The following CHAF1A variants were observed in gnomAD, a reference collection of about 807,000 sequenced individuals.
CHAF1A encodes CAF-1 subunit A.
CHAF1A carries 5 observed loss-of-function variants against 93.2 expected under a neutral mutation model. The ratio of observed to expected loss-of-function variants is 0.05; its 90% CI spans 0.03 to 0.11. The LOEUF is 0.11. CHAF1A is among the 10% of genes least tolerant of loss of function. CHAF1A has a pLI of 1.00. For missense variants in CHAF1A, 1,102 were observed against 1,259.9 expected (o/e 0.87, Z 1.90); for synonymous variants, 504 against 510.3 (o/e 0.99, Z 0.17).
At chr19:4,444,345 CTG>C (rs148944681), downstream of CHAF1A, among the ~76,000 whole-genome samples, 2,854 of 152,264 alleles carry the variant, frequency 0.019, 34 homozygotes, top group Middle Eastern at 0.024. Context: ...GGCAGAGTCC[CTG>C]TGTCTCCTGG....
chr19:4,447,127 G>T (rs559715340), downstream of CHAF1A: 33 of 607,490 alleles, frequency 5.4e-5, 2 homozygotes, highest in African/African-American at 4.1e-4. Flanking sequence ...CTGCACAGAG[G>T]AAAGAGTCAC....
downstream of CHAF1A, chr19:4,446,424 G>A (rs367564016): frequency 6.3e-6 from 10 of 1,577,004 alleles, no homozygotes; most frequent in African/African-American, 2.7e-5. Flanking sequence ...CTGCACACGC[G>A]GGCCAGGTCA....
In CHAF1A at chr19:4,409,146, T is replaced by C; in HGVS notation, c.347T>C (p.Ile116Thr). 6.2e-7 allele frequency: 1 copy of C among 1,614,162 alleles called. No individual in the cohort carries two copies. Among genetic ancestry groups the C allele is most frequent in the Non-Finnish European group, 8.5e-7 (1 of 1,180,028 alleles). ...IETSIGQSTV[I>T]IDLTEDSNEQ... Reference sequence around the variant, plus strand: ...ACCAGTATTGGCCAGAGCACAGTCATCATTGATTTGACAGAGGACTCGAAT... The same window carrying C: ...ACCAGTATTGGCCAGAGCACAGTCACCATTGATTTGACAGAGGACTCGAAT... Residue 116 changes from isoleucine (I) to threonine (T), a missense_variant, in exon 3 of 15, where the codon ATC (isoleucine) becomes ACC (threonine). Transcript: ENST00000301280.
intron 7 of CHAF1A, among the ~76,000 whole-genome samples, chr19:4,426,066 CT>C (rs888320610): frequency 1.3e-4 from 19 of 146,238 alleles, no homozygotes; most frequent in Admixed American, 2.1e-4. Flanking sequence ...ACAGGATTTT[CT>C]TTTTTTTTCT....
At chr19:4,436,593 A>G (rs1053580120) in intron 13 of CHAF1A, among the ~76,000 whole-genome samples, 1 of 152,162 alleles carries the variant, frequency 6.6e-6, no homozygotes, top group Non-Finnish European at 1.5e-5. Flanking sequence ...GGAAGGTACT[A>G]TCTGGTTGTG....
In CHAF1A at chr19:4,424,152, G is replaced by GT. The variant is rs576703091; in HGVS notation, c.1377+283dup. 4.8e-3 allele frequency among the ~76,000 whole-genome samples: 733 copies of GT among 152,310 alleles called. 8 individuals are homozygous for GT. The highest frequency in any genetic ancestry group is 5.8e-3 in the Non-Finnish European group (396 of 68,020). On this transcript the variant is annotated intron_variant, in intron 7 of 14. Transcript: ENST00000301280. ...GTTAGGCGTAAGAGAAATTCACCATGTTTTTACCCTTGGGAAACTTAGGCT... is the reference window on the plus strand; with the variant it reads ...GTTAGGCGTAAGAGAAATTCACCATGTTTTTTACCCTTGGGAAACTTAGGCT...
intron 2 of CHAF1A, among the ~76,000 whole-genome samples, chr19:4,407,668 C>T (rs1010990889): frequency 3.3e-5 from 5 of 152,098 alleles, no homozygotes; most frequent in African/African-American, 1.2e-4. Flanking sequence ...GATGTTGAAG[C>T]GGGGCATGGT....
Position 4,422,008 on chromosome 19 carries a change from A to ATT in CHAF1A, c.1018-542_1018-541dup, listed in dbSNP as rs765787830. ...GGGTACCCTCCACCACGCCTGGCTA[A>ATT]TTTTTTTTTTTTTTTTTATTAAATG... On this transcript the variant is annotated intron_variant, in intron 4 of 14. Transcript: ENST00000301280. This position sits in a 1 kb window ranked among gnomAD's most constrained non-coding sequence, Gnocchi z 4.6. 1.7e-4 allele frequency among the ~76,000 whole-genome samples: 24 copies of ATT among 138,274 alleles called. No individual in the cohort carries two copies. Among genetic ancestry groups the ATT allele is most frequent in the African/African-American group, 4.8e-4 (18 of 37,658 alleles). 90.7% of individuals were successfully genotyped at this position (138,274 alleles called of 152,430 possible). A position where few individuals can be genotyped will look rare whatever the true frequency, so the allele number is the denominator to read the frequency against.
chr19:4,445,645 ACT>A, downstream of CHAF1A: 1 of 1,604,322 alleles, frequency 6.2e-7, no homozygotes, highest in Non-Finnish European at 8.5e-7. Flanking sequence ...GTAGGCCGTC[ACT>A]CTGAGACCGA....
intron 1 of CHAF1A, among the ~76,000 whole-genome samples, chr19:4,404,135 T>G (rs750482914): frequency 4.7e-5 from 7 of 148,582 alleles, no homozygotes; most frequent in Non-Finnish European, 9.0e-5. Context: ...TATTTAACTT[T>G]AAAAAAAAAA....
At chr19:4,447,017 G>A, downstream of CHAF1A, 1 of 1,257,578 alleles carries the variant, frequency 8.0e-7, no homozygotes, top group Non-Finnish European at 1.1e-6. Context: ...GCTATTGGGA[G>A]CAGCTGTCGA....
At chr19:4,402,863 TGGACGGGCCGAGGCGGCGATGGGAGGC>T (rs1215879806) in intron 1 of CHAF1A, 49 bp downstream of exon 1, 18 of 1,127,840 alleles carry the variant, frequency 1.6e-5, no homozygotes, top group Non-Finnish European at 2.0e-5. Context: ...GCGCGCGGCC[TGGACGGGCCGAGGCGGCGATGGGAGGC>T]GGACGGGCCT....
intron 13 of CHAF1A, among the ~76,000 whole-genome samples, chr19:4,438,020 C>T (rs761542661): frequency 9.9e-5 from 15 of 152,282 alleles, no homozygotes; most frequent in Admixed American, 6.5e-4. Flanking sequence ...GGATTACAGG[C>T]GTGAGACACC....
rs143813445 is a variant in CHAF1A, at chr19:4,418,780, G to A, written c.1017+704G>A. Among the ~76,000 whole-genome samples, 1,221 of 152,194 alleles carry A rather than the reference G, an allele frequency of 8.0e-3. 9 individuals carry two copies. The highest frequency in any genetic ancestry group is 0.012 in the Non-Finnish European group (812 of 68,006). On this transcript the variant is annotated intron_variant, in intron 4 of 14. Coordinates refer to ENST00000301280, the MANE Select transcript of CHAF1A (RefSeq NM_005483.3). Reference sequence around the variant, plus strand: ...TGAATAGCCTCTACACTCGATGGGTGGTTATCCTTTAGTGACTCTCTGCTT... The same window carrying A: ...TGAATAGCCTCTACACTCGATGGGTAGTTATCCTTTAGTGACTCTCTGCTT...
chr19:4,446,595 G>T (rs566398192), downstream of CHAF1A: 17 of 1,612,540 alleles, frequency 1.1e-5, no homozygotes, highest in Admixed American at 2.5e-4. Flanking sequence ...GCTGGAAGAC[G>T]CGGCGCTGCC....
At chr19:4,434,608 T>G (rs150385008) in intron 13 of CHAF1A, among the ~76,000 whole-genome samples, 2 of 152,302 alleles carry the variant, frequency 1.3e-5, no homozygotes, top group African/African-American at 4.8e-5. Context: ...TGTGGCTCCT[T>G]TGACTTGGCA....
downstream of CHAF1A, chr19:4,448,544 A>T (rs1264577811): frequency 8.0e-6 from 6 of 750,288 alleles, no homozygotes; most frequent in East Asian, 5.4e-5. Flanking sequence ...CTGTGCGCTC[A>T]TCACAGAAAG....
Position 4,409,043 on chromosome 19 carries a change from G to C in CHAF1A, c.244G>C (p.Gly82Arg). The change falls in exon 3 of 15, where the codon GGT becomes CGT. Residue 82 changes from glycine (G) to arginine (R), a missense_variant. Gly to Arg is a moderately radical substitution (Grantham distance 125). Around this residue, in one of 6 missense-constraint regions of CHAF1A, gnomAD observed 379 missense variants for 365.7 expected, o/e 1.04. Transcript: ENST00000301280. Reference protein sequence around the residue: ...LDTLENNCHVGSDIDFRPKLV... With the variant: ...LDTLENNCHVRSDIDFRPKLV... ...CACCTTGGAAAACAACTGTCATGTG[G>C]GTTCTGACATAGACTTTAGACCGAA... The C allele has an allele frequency of 6.2e-7, 1 of 1,614,158 alleles. No homozygotes were observed. Among genetic ancestry groups the C allele is most frequent in the Non-Finnish European group, 8.5e-7 (1 of 1,180,030 alleles).
At chr19:4,427,092 GA>G (rs1029844788) in intron 7 of CHAF1A, among the ~76,000 whole-genome samples, 13 of 92,890 alleles carry the variant, frequency 1.4e-4, no homozygotes, top group African/African-American at 2.0e-4. Flanking sequence ...CTCCATCTCA[GA>G]AAAAAAAAAG....
Sources: allele counts gnomAD v4.1 joint callset (sites outside exome capture counted in the v4.1 genomes callset), GRCh38; gene constraint gnomAD v4.1.1; regional missense constraint gnomAD v4.1.1; non-coding constraint Gnocchi (gnomAD v3.1); transcripts MANE v1.5; gene names NCBI Gene and HGNC (gene_info 2026-07-23, HGNC 2026-07-21).